MIB1: variants seen among roughly 807,000 people sequenced by gnomAD.
The protein encoded by MIB1 is E3 ubiquitin-protein ligase MIB1.
A neutral mutation model predicts 124.5 loss-of-function variants in MIB1; 278 were observed. That is an observed-to-expected ratio of 2.23 (90% CI 2.02 to 2.47). MIB1 has a LOEUF of 2.47. Ranked by LOEUF, MIB1 falls within the 30% of genes most tolerant of loss-of-function variation. The pLI is 0.00. For missense variants in MIB1, 957 were observed against 1,254.4 expected, an observed-to-expected ratio of 0.76 and a Z score of 3.58; for synonymous variants, 446 against 429.4, an observed-to-expected ratio of 1.04 and a Z score of -0.48.
chr18:21,736,940 T>G (rs1391223391), upstream of MIB1, among the ~76,000 whole-genome samples: 1 of 152,192 alleles, frequency 6.6e-6, no homozygotes, highest in Non-Finnish European at 1.5e-5. Context: ...TGGAAAACAC[T>G]CTTCAGGATA....
At chr18:21,736,675 A>T (rs2146367791), upstream of MIB1, among the ~76,000 whole-genome samples, 1 of 152,320 alleles carries the variant, frequency 6.6e-6, no homozygotes, top group South Asian at 2.1e-4. Context: ...AACATAAATG[A>T]CCTGATGGAG....
intron 10 of MIB1, among the ~76,000 whole-genome samples, chr18:21,814,284 T>C (rs2041805068): frequency 6.6e-6 from 1 of 152,152 alleles, no homozygotes; most frequent in Non-Finnish European, 1.5e-5. Context: ...TTCTCGAATA[T>C]ACAGAAAAAT....
chr18:21,815,166 G>GT (rs2041818663), intron 10 of MIB1, among the ~76,000 whole-genome samples: 1 of 149,162 alleles, frequency 6.7e-6, no homozygotes. Flanking sequence ...CAGTTTCTAG[G>GT]TTTTAAAAAA....
At chr18:21,816,766 T>C (rs779355452) in intron 11 of MIB1, among the ~76,000 whole-genome samples, 11 of 152,140 alleles carry the variant, frequency 7.2e-5, no homozygotes, top group Admixed American at 3.3e-4. Flanking sequence ...ACTGAAAGAA[T>C]AGATTTTGTT....
intron 15 of MIB1, among the ~76,000 whole-genome samples, chr18:21,845,041 C>T (rs560958662): frequency 2.0e-5 from 3 of 151,368 alleles, no homozygotes; most frequent in East Asian, 1.9e-4. Flanking sequence ...GATGGAGTCT[C>T]GCTCTGTCGC....
chr18:21,754,054 G>T (rs1352828485), intron 1 of MIB1, among the ~76,000 whole-genome samples: 1 of 152,178 alleles, frequency 6.6e-6, no homozygotes, highest in East Asian at 1.9e-4. Context: ...TGTGAGGCTG[G>T]ACTGGTTCTG....
chr18:21,800,080 C>A (rs2041633777), intron 9 of MIB1, 106 bp downstream of exon 9: 1 of 850,214 alleles, frequency 1.2e-6, no homozygotes, highest in Non-Finnish European at 1.7e-6. Flanking sequence ...TCATTTATTT[C>A]TTCTTTCTTG....
intron 15 of MIB1, among the ~76,000 whole-genome samples, chr18:21,846,423 A>G (rs551032186): frequency 6.6e-6 from 1 of 152,326 alleles, no homozygotes; most frequent in East Asian, 1.9e-4. Flanking sequence ...ATTTTCACAT[A>G]AGATGATGAG....
At chr18:21,788,526 A>G (rs1291293330) in intron 6 of MIB1, among the ~76,000 whole-genome samples, 1 of 152,252 alleles carries the variant, frequency 6.6e-6, no homozygotes, top group Non-Finnish European at 1.5e-5. Flanking sequence ...TAATGATGAA[A>G]GACTGAATAC....
intron 1 of MIB1, among the ~76,000 whole-genome samples, chr18:21,711,383 G>T (rs2040664902): frequency 6.6e-6 from 1 of 152,076 alleles, no homozygotes; most frequent in Non-Finnish European, 1.5e-5. Flanking sequence ...CTGGGTTCAA[G>T]CAATTCTCCT....
chr18:21,800,311 A>G (rs546703363), intron 9 of MIB1, among the ~76,000 whole-genome samples: 2 of 151,854 alleles, frequency 1.3e-5, no homozygotes, highest in Non-Finnish European at 2.9e-5. Context: ...AGTGAATTTT[A>G]TAAGCAATTT....
chr18:21,764,962 A>T (rs1381399219), intron 1 of MIB1, among the ~76,000 whole-genome samples: 1 of 152,040 alleles, frequency 6.6e-6, no homozygotes, highest in Non-Finnish European at 1.5e-5. Context: ...CAAGCCACAC[A>T]TTGTTGAAAA....
In MIB1 at chr18:21,836,634, A is replaced by T. The variant is rs527324195; in HGVS notation, c.1830-1731A>T. 5.3e-5 allele frequency among the ~76,000 whole-genome samples: 8 copies of T among 152,324 alleles called. 1 individual carries two copies. The South Asian group carries it at 1.7e-3, about 32-fold the overall frequency. Reference sequence around the variant, plus strand: ...TGTTACTACCATTCCTTTCAACATGATTATATCACAATTTTTGTTTAAATT... The same window carrying T: ...TGTTACTACCATTCCTTTCAACATGTTTATATCACAATTTTTGTTTAAATT... On this transcript the variant is annotated intron_variant, in intron 12 of 20. Transcript: ENST00000261537.
intron 1 of MIB1, among the ~76,000 whole-genome samples, chr18:21,718,398 A>AT (rs1356395053): frequency 2.0e-5 from 3 of 152,138 alleles, no homozygotes; most frequent in Admixed American, 6.6e-5. Context: ...GAAATAAAAC[A>AT]TTTTTTTAAA....
chr18:21,846,389 T>C (rs2042134506), intron 15 of MIB1, among the ~76,000 whole-genome samples: 1 of 152,200 alleles, frequency 6.6e-6, no homozygotes, highest in South Asian at 2.1e-4. Flanking sequence ...AGACACTCAA[T>C]AAATGTTAAC....
chr18:21,732,912 G>A (rs1033147509), intron 1 of MIB1, among the ~76,000 whole-genome samples: 1 of 152,136 alleles, frequency 6.6e-6, no homozygotes, highest in African/African-American at 2.4e-5. Context: ...AAACACTCTT[G>A]TAATAAGCAG....
intron 3 of MIB1, among the ~76,000 whole-genome samples, chr18:21,773,360 A>C (rs2041243349): frequency 6.6e-6 from 1 of 152,222 alleles, no homozygotes; most frequent in South Asian, 2.1e-4. Context: ...TTTTCTGATA[A>C]TCTATCACTG....
chr18:21,715,650 T>A (rs114917679), intron 1 of MIB1, among the ~76,000 whole-genome samples: 1,718 of 150,740 alleles, frequency 0.011, 37 homozygotes, highest in African/African-American at 0.04. Flanking sequence ...GTCAGTGAAA[T>A]AGATATCATA....
At chr18:21,762,072 GA>G (rs1468322650) in intron 1 of MIB1, among the ~76,000 whole-genome samples, 1 of 152,084 alleles carries the variant, frequency 6.6e-6, no homozygotes, top group Non-Finnish European at 1.5e-5. Flanking sequence ...ATTTTAAAAA[GA>G]AAATAGGAAA....
Sources: gnomAD v4.1 joint callset for allele counts (sites outside exome capture counted in the v4.1 genomes callset) on GRCh38, gnomAD v4.1.1 for gene constraint, MANE v1.5 for transcripts, NCBI Gene and HGNC (gene_info 2026-07-23, HGNC 2026-07-21) for gene names.